Variants in LFNG observed in about 807,000 individuals in gnomAD.
LFNG encodes the protein LFNG O-fucosylpeptide 3-beta-N-acetylglucosaminyltransferase.
LFNG carries 15 observed loss-of-function variants against 32.7 expected under a neutral mutation model. The ratio of observed to expected loss-of-function variants is 0.46; its 90% CI spans 0.31 to 0.71. The LOEUF is 0.71. Among genes scored for constraint, LFNG ranks in the 30% least tolerant of loss-of-function variants. The pLI is 0.06. For missense variants in LFNG, 520 were observed against 545.7 expected, an observed-to-expected ratio of 0.95 and a Z score of 0.47; for synonymous variants, 274 against 246.8, an observed-to-expected ratio of 1.11 and a Z score of -1.03.
chr7:2,519,667 A>G (rs2128374935), upstream of LFNG, among the ~76,000 whole-genome samples: 1 of 148,234 alleles, frequency 6.7e-6, no homozygotes, highest in East Asian at 2.0e-4. Flanking sequence ...GCGGGCGTGG[A>G]GCGGCGACCG....
chr7:2,517,948 G>C (rs974683777), upstream of LFNG: 2 of 1,146,776 alleles, frequency 1.7e-6, no homozygotes, highest in African/African-American at 1.6e-5. Context: ...AAAGCAGGTA[G>C]GATAGGAGTG....
chr7:2,513,455 T>C (rs1030983963), upstream of LFNG: 15 of 1,096,350 alleles, frequency 1.4e-5, no homozygotes, highest in East Asian at 1.9e-4. Context: ...ATGGTAGCGA[T>C]GGGGAGCCTG....
chr7:2,525,353 C>T (rs751694086), intron 3 of LFNG, 35 bp downstream of exon 3: 3 of 1,611,962 alleles, frequency 1.9e-6, no homozygotes, highest in South Asian at 2.2e-5. Flanking sequence ...CATCTCCCTG[C>T]CCGAGCCTGG....
At chr7:2,525,955 AAGCCTG>A (rs1052608623) in intron 5 of LFNG, among the ~76,000 whole-genome samples, 185 bp downstream of exon 5, 2 of 151,940 alleles carry the variant, frequency 1.3e-5, no homozygotes, top group Non-Finnish European at 2.9e-5. Context: ...GGCTGCCCCC[AAGCCTG>A]ACCTGCTCAG....
In LFNG at chr7:2,520,642, C is replaced by A. The variant is rs185654496; in HGVS notation, c.432+349C>A. ...AGGGCATTATGTCCTCAAACTTCCA[C>A]AAGCAAATTCTGTTCGGACCCACCC... On this transcript the variant is annotated intron_variant, in intron 1 of 7. Transcript: ENST00000222725. The surrounding 1 kb of genome is among the most constrained non-coding windows in gnomAD (Gnocchi z 5.0). Among the ~76,000 whole-genome samples, 123 of 152,364 alleles carry A rather than the reference C, an allele frequency of 8.1e-4. No homozygotes were observed. The highest frequency in any genetic ancestry group is 3.4e-3 in the Middle Eastern group (1 of 294).
intron 1 of LFNG, among the ~76,000 whole-genome samples, chr7:2,521,912 C>G (rs1779802792): frequency 6.6e-6 from 1 of 152,214 alleles, no homozygotes; most frequent in Non-Finnish European, 1.5e-5. Context: ...GGGGCCATCA[C>G]TCCCTTGAGC....
At chr7:2,512,773 C>G in intron 1 of LFNG, 3 of 1,370,134 alleles carry the variant, frequency 2.2e-6, no homozygotes, top group South Asian at 2.4e-5. Flanking sequence ...AACCTGGAGC[C>G]CCCTATGTCT....
At chr7:2,524,529 G>C in intron 1 of LFNG, 166 bp from the exon 2 acceptor site, 1 of 702,460 alleles carries the variant, frequency 1.4e-6, no homozygotes. Flanking sequence ...TGGGGCACTT[G>C]AGCCCTTCTC....
upstream of LFNG, chr7:2,518,521 C>G (rs1479711837): frequency 9.4e-7 from 1 of 1,067,734 alleles, no homozygotes; most frequent in Non-Finnish European, 1.5e-6. Flanking sequence ...TTTCAGAGCA[C>G]CTACTATGTC....
upstream of LFNG, chr7:2,513,172 G>T (rs139214722): frequency 1.2e-6 from 2 of 1,613,624 alleles, no homozygotes; most frequent in Non-Finnish European, 1.7e-6. Flanking sequence ...AGCAGATCTG[G>T]GCATGGAGCA....
In LFNG at chr7:2,526,957, G is replaced by C. The variant is rs1020703706; in HGVS notation, c.1073+36G>C. On this transcript the variant is annotated intron_variant, in intron 7 of 7. Transcript: ENST00000222725. The surrounding 1 kb of genome is among the most constrained non-coding windows in gnomAD (Gnocchi z 6.9). ...CCCGGCCCAGATGGGCTTGCGTAGGGTGGCCTAGGGGCGTCAGGGGGCCTC... is the reference window on the plus strand; with the variant it reads ...CCCGGCCCAGATGGGCTTGCGTAGGCTGGCCTAGGGGCGTCAGGGGGCCTC... 3 of 1,596,948 alleles carry C rather than the reference G, an allele frequency of 1.9e-6. No homozygotes were observed. In the African/African-American group the frequency reaches 4.0e-5, roughly 21 times the overall value.
rs1321222402 is a variant in LFNG, at chr7:2,525,241, C to T, written c.504C>T (p.Cys168=). 6.2e-7 allele frequency: 1 copy of T among 1,612,892 alleles called. No homozygotes were observed. The highest frequency in any genetic ancestry group is 8.5e-7 in the Non-Finnish European group (1 of 1,179,884). Residue 168 remains cysteine, a synonymous_variant, in exon 3 of 8, where the codon TGC becomes TGT. Coordinates refer to ENST00000222725, the MANE Select transcript of LFNG (RefSeq NM_001040167.2). ...CAGGCAACGTGGTCATCACAAACTG[C>T]TCGGCCGCCCACAGCCGCCAGGCGC... ...RHTGNVVITN[C]SAAHSRQALS...
Position 2,527,332 on chromosome 7 carries a change from G to GTGTGCA in LFNG, c.*125_*126insATGTGC, listed in dbSNP as rs1554291256. 0.11 allele frequency: 160,715 copies of GTGTGCA among 1,523,140 alleles called. 4,136 individuals are homozygous for GTGTGCA. Among genetic ancestry groups the GTGTGCA allele is most frequent in the African/African-American group, 0.18 (12,979 of 71,120 alleles). 94.4% of individuals were successfully genotyped at this position (1,523,140 alleles called of 1,614,324 possible). ...CCTAGGGCCGTGCCTGTGCGTGTGCGTGTGCGTGTGTGTGTGTGTGTACTG... is the reference window on the plus strand; with the variant it reads ...CCTAGGGCCGTGCCTGTGCGTGTGCGTGTGCATGTGCGTGTGTGTGTGTGTGTACTG... On this transcript the variant is annotated 3_prime_UTR_variant, in exon 8 of 8. Coordinates refer to ENST00000222725, the MANE Select transcript of LFNG (RefSeq NM_001040167.2). This position sits in a 1 kb window ranked among gnomAD's most constrained non-coding sequence, Gnocchi z 4.4.
upstream of LFNG, among the ~76,000 whole-genome samples, chr7:2,514,552 G>GTCCC (rs1779563500): frequency 1.4e-5 from 2 of 148,026 alleles, no homozygotes. Flanking sequence ...CCATCCATCT[G>GTCCC]TCCATCCATC....
chr7:2,529,048 G>A, downstream of LFNG: 1 of 429,102 alleles, frequency 2.3e-6, no homozygotes, highest in South Asian at 4.7e-5. This position sits in a 1 kb window ranked among gnomAD's most constrained non-coding sequence, Gnocchi z 4.2. Flanking sequence ...CCCGCTCAGG[G>A]GTGGTGGGAA....
upstream of LFNG, chr7:2,518,447 C>T (rs916404318): frequency 1.3e-6 from 1 of 779,796 alleles, no homozygotes; most frequent in South Asian, 1.4e-5. Context: ...AGCAAATGGG[C>T]TACAGCGTCC....
chr7:2,528,725 A>T (rs2128378898), downstream of LFNG: 1 of 549,634 alleles, frequency 1.8e-6, no homozygotes, highest in Non-Finnish European at 3.3e-6. Flanking sequence ...CCAAAAGCAC[A>T]ACCCCAAGGC....
Position 2,520,949 on chromosome 7 carries a change from C to G in LFNG, c.432+656C>G, listed in dbSNP as rs1379382408. On this transcript the variant is annotated intron_variant, in intron 1 of 7. Coordinates refer to ENST00000222725, the MANE Select transcript of LFNG (RefSeq NM_001040167.2). This position sits in a 1 kb window ranked among gnomAD's most constrained non-coding sequence, Gnocchi z 5.0. The stretch of plus-strand genomic sequence containing the variant: ...TACACACACATAATTAAGACACACC[C>G]CACTTTGAACATTTCCCTCGAGGCC... Among the ~76,000 whole-genome samples, 1 of 152,220 alleles carries G rather than the reference C, an allele frequency of 6.6e-6. No homozygotes were observed. Among genetic ancestry groups the G allele is most frequent in the Non-Finnish European group, 1.5e-5 (1 of 68,034 alleles).
chr7:2,527,111 AC>A lies in LFNG; in HGVS notation c.1074-32del, dbSNP rs1780007575. 1.9e-6 allele frequency: 3 copies of A among 1,595,086 alleles called. No homozygotes were observed. The highest frequency in any genetic ancestry group is 2.6e-6 in the Non-Finnish European group (3 of 1,165,220). On this transcript the variant is annotated intron_variant, in intron 7 of 7. Transcript: ENST00000222725. This position sits in a 1 kb window ranked among gnomAD's most constrained non-coding sequence, Gnocchi z 4.4. ...AATGGGAGCTCAGCACCTGCCTGCC[AC>A]CCACGCAGACCAGCCCCTGCTCTGT...
Sources: allele counts gnomAD v4.1 joint callset (sites outside exome capture counted in the v4.1 genomes callset), GRCh38; gene constraint gnomAD v4.1.1; non-coding constraint Gnocchi (gnomAD v3.1); transcripts MANE v1.5; gene names NCBI Gene and HGNC (gene_info 2026-07-23, HGNC 2026-07-21).